Variants in MEIG1 observed in about 807,000 individuals in gnomAD.
The protein encoded by MEIG1 is meiosis expressed gene 1 protein homolog.
MEIG1 carries 12 observed loss-of-function variants against 11.3 expected under a neutral mutation model. The observed-to-expected ratio is 1.07, with a 90% CI of 0.68 to 1.73. The LOEUF (loss-of-function observed/expected upper bound fraction) is 1.73. Ranked by LOEUF, MEIG1 falls within the 40% of genes most tolerant of loss-of-function variation. MEIG1 has a pLI of 0.00. For synonymous variants in MEIG1, 41 were observed against 33.2 expected, an observed-to-expected ratio of 1.24 and a Z score of -0.81; for missense variants, 119 against 104.9, an observed-to-expected ratio of 1.13 and a Z score of -0.59.
At chr10:14,982,770 C>G (rs1237390406) in intron 1 of MEIG1, among the ~76,000 whole-genome samples, 1 of 151,974 alleles carries the variant, frequency 6.6e-6, no homozygotes, top group Non-Finnish European at 1.5e-5. Flanking sequence ...TCAATATTAA[C>G]AACTGATCAT....
chr10:14,987,061 A>T (rs369823173), intron 2 of MEIG1: 2 of 616,818 alleles, frequency 3.2e-6, no homozygotes, highest in South Asian at 3.0e-5. Flanking sequence ...ACAGATGGCT[A>T]CAAAGCCGTC....
At chr10:14,984,564 G>A (rs528345267) in intron 1 of MEIG1, among the ~76,000 whole-genome samples, 2 of 152,094 alleles carry the variant, frequency 1.3e-5, no homozygotes, top group East Asian at 1.9e-4. Flanking sequence ...GTCACACGGG[G>A]AAGTTTCCCT....
chr10:14,974,910 G>A (rs1843194891), downstream of MEIG1, among the ~76,000 whole-genome samples: 1 of 152,008 alleles, frequency 6.6e-6, no homozygotes, highest in Admixed American at 6.6e-5. Context: ...AATAATAAAT[G>A]AGGATGAATT....
At chr10:14,966,933 G>A (rs547167279) in intron 2 of MEIG1, among the ~76,000 whole-genome samples, 7 of 152,054 alleles carry the variant, frequency 4.6e-5, no homozygotes, top group South Asian at 2.1e-4. Flanking sequence ...GGATTTTGCC[G>A]TGTTTGGCCA....
At chr10:14,972,400 C>A in intron 2 of MEIG1, 113 bp from the exon 3 acceptor site, 3 of 1,375,930 alleles carry the variant, frequency 2.2e-6, no homozygotes, top group Non-Finnish European at 3.1e-6. Flanking sequence ...ATTCTAAAAT[C>A]TAATCTTATA....
rs780699055 is a variant in MEIG1, at chr10:14,972,687, C to G, written c.*46C>G. On this transcript the variant is annotated 3_prime_UTR_variant, in exon 3 of 3. Coordinates refer to ENST00000407572, the MANE Select transcript of MEIG1 (RefSeq NM_001080836.3). ...TGTCAATTATATTTTAAGTATTCAT[C>G]ATTTCCTTCTACATCATGTGTTTGT... is the stretch of plus-strand genomic sequence containing the variant. 1 of 1,484,178 alleles carries G rather than the reference C, an allele frequency of 6.7e-7. No homozygotes were observed. Among genetic ancestry groups the G allele is most frequent in the East Asian group, 2.4e-5 (1 of 42,442 alleles). 91.9% of individuals were successfully genotyped at this position (1,484,178 alleles called of 1,614,324 possible). A position where few individuals can be genotyped will look rare whatever the true frequency, so the allele number is the denominator to read the frequency against.
intron 2 of MEIG1, chr10:14,987,237 G>C (rs574904311): frequency 1.1e-6 from 1 of 943,752 alleles, no homozygotes; most frequent in Non-Finnish European, 1.7e-6. Context: ...GCCCAGCACA[G>C]GTTGGAGAGG....
intron 1 of MEIG1, among the ~76,000 whole-genome samples, chr10:14,984,740 A>T (rs183322063): frequency 1.3e-5 from 2 of 152,172 alleles, no homozygotes; most frequent in Non-Finnish European, 2.9e-5. Flanking sequence ...GTGACTTTTA[A>T]TGTCACAGAG....
intron 1 of MEIG1, among the ~76,000 whole-genome samples, chr10:14,982,267 G>A (rs1366427845): frequency 6.6e-6 from 1 of 152,116 alleles, no homozygotes; most frequent in Non-Finnish European, 1.5e-5. Flanking sequence ...CCCTGCCTCA[G>A]TTTAGCCTTT....
At chr10:14,977,227 G>A (rs7911966), downstream of MEIG1, among the ~76,000 whole-genome samples, 104,841 of 151,772 alleles carry the variant, frequency 0.69, 36,329 homozygotes, top group South Asian at 0.78. Context: ...GACACTATTC[G>A]TAATATTCTA....
intron 1 of MEIG1, among the ~76,000 whole-genome samples, chr10:14,977,934 G>C (rs1843228383): frequency 6.6e-6 from 1 of 151,942 alleles, no homozygotes. Context: ...ATCACAGAGA[G>C]TGTGCCCCCA....
chr10:14,955,452 C>T (rs1348506131), upstream of MEIG1, among the ~76,000 whole-genome samples: 1 of 152,122 alleles, frequency 6.6e-6, no homozygotes, highest in African/African-American at 2.4e-5. Context: ...TGCCTGTAAT[C>T]CCAGCACTTT....
chr10:14,962,339 G>A (rs191528292), intron 1 of MEIG1, among the ~76,000 whole-genome samples: 10 of 152,156 alleles, frequency 6.6e-5, no homozygotes, highest in African/African-American at 1.7e-4. Context: ...CTTATATAGC[G>A]TAGTTACAGT....
intron 1 of MEIG1, among the ~76,000 whole-genome samples, chr10:14,984,244 C>T (rs1843295237): frequency 1.2e-5 from 1 of 82,832 alleles, no homozygotes; most frequent in East Asian, 4.1e-4. Context: ...ATCGTAATAT[C>T]CAGGGTGGGA....
At chr10:14,977,343 A>G (rs11816427), downstream of MEIG1, among the ~76,000 whole-genome samples, 1,257 of 152,038 alleles carry the variant, frequency 8.3e-3, 24 homozygotes, top group African/African-American at 0.028. Context: ...TCCTTCTGTG[A>G]TATTATTGAA....
intron 1 of MEIG1, among the ~76,000 whole-genome samples, chr10:14,961,094 A>G (rs1168292867): frequency 6.6e-6 from 1 of 152,226 alleles, no homozygotes; most frequent in Non-Finnish European, 1.5e-5. Context: ...ATTATGTCCC[A>G]ATACACCCAT....
At chr10:14,956,947 T>C (rs1407985729), upstream of MEIG1, among the ~76,000 whole-genome samples, 1 of 151,966 alleles carries the variant, frequency 6.6e-6, no homozygotes, top group Non-Finnish European at 1.5e-5. Context: ...TAACAACTAC[T>C]TGGGAGCTGA....
intron 1 of MEIG1, among the ~76,000 whole-genome samples, chr10:14,978,563 C>T (rs942014965): frequency 1.3e-5 from 2 of 151,940 alleles, no homozygotes; most frequent in African/African-American, 4.8e-5. Flanking sequence ...AATGCATGTA[C>T]ACCTTGTGAT....
At chr10:14,979,253 T>A (rs1430236760) in intron 1 of MEIG1, among the ~76,000 whole-genome samples, 2 of 151,392 alleles carry the variant, frequency 1.3e-5, no homozygotes. Flanking sequence ...TCACAGGGGG[T>A]GTACACCCTG....
Sources: allele counts gnomAD v4.1 joint callset (sites outside exome capture counted in the v4.1 genomes callset), GRCh38; gene constraint gnomAD v4.1.1; transcripts MANE v1.5; gene names NCBI Gene and HGNC (gene_info 2026-07-23, HGNC 2026-07-21).